Variants in SPIDR observed in about 807,000 individuals in gnomAD.
SPIDR encodes the protein scaffold protein involved in DNA repair, also known as DNA repair-scaffolding protein.
Under a neutral mutation model 104.6 loss-of-function variants are expected in SPIDR, and 93 were observed. The observed-to-expected ratio is 0.89, with a 90% CI of 0.75 to 1.06. SPIDR has a LOEUF of 1.06. SPIDR is among the 50% of genes least tolerant of loss of function. The pLI, the probability that SPIDR is intolerant of heterozygous loss-of-function variation, is 0.00. For synonymous variants in SPIDR, 431 were observed against 416.9 expected (o/e 1.03, Z -0.41); for missense variants, 1,154 against 1,111.2 (o/e 1.04, Z -0.55).
In SPIDR at chr8:47,516,786, G is replaced by A. The variant is rs78239175; in HGVS notation, c.1097+76244G>A. On this transcript the variant is annotated intron_variant, in intron 8 of 19. Coordinates refer to ENST00000297423, the MANE Select transcript of SPIDR (RefSeq NM_001080394.4). ...TAGTTTCTGCTCTCAATTTTTTTTCGGCTATAGATCTAGGAGTGGAATTGC... is the reference window on the plus strand; with the variant it reads ...TAGTTTCTGCTCTCAATTTTTTTTCAGCTATAGATCTAGGAGTGGAATTGC... Among the ~76,000 whole-genome samples the A allele has an allele frequency of 4.7e-3, 716 of 151,548 alleles. 5 individuals are homozygous for A. Among genetic ancestry groups the A allele is most frequent in the African/African-American group, 0.016 (673 of 41,300 alleles).
In SPIDR at chr8:47,383,965, G is replaced by A. The variant is rs571097117; in HGVS notation, c.526-12411G>A. ...AACTTGTTAGGCCTGAATACCACCA[G>A]GTATTATTAGTATAAAATGTTCATG... On this transcript the variant is annotated intron_variant, in intron 5 of 19. Coordinates refer to ENST00000297423, the MANE Select transcript of SPIDR (RefSeq NM_001080394.4). 7.0e-4 allele frequency among the ~76,000 whole-genome samples: 106 copies of A among 152,120 alleles called. 5 individuals are homozygous for A. The South Asian group carries it at 0.021, about 31-fold the overall frequency.
chr8:47,268,703 C>T (rs985461725), intron 1 of SPIDR, among the ~76,000 whole-genome samples: 1 of 152,138 alleles, frequency 6.6e-6, no homozygotes, highest in African/African-American at 2.4e-5. Context: ...AGGGATGCTC[C>T]TGTTTTGGCC....
intron 16 of SPIDR, among the ~76,000 whole-genome samples, chr8:47,721,969 G>GA (rs1187390725): frequency 2.0e-5 from 3 of 152,180 alleles, no homozygotes; most frequent in Admixed American, 1.3e-4. Context: ...ATCAGGTGGG[G>GA]AAAAAATGAC....
chr8:47,263,623 A>C (rs995206763), intron 1 of SPIDR, among the ~76,000 whole-genome samples: 5 of 152,228 alleles, frequency 3.3e-5, no homozygotes, highest in African/African-American at 1.2e-4. Context: ...CCGGCCATGA[A>C]ATCTTAATCA....
At chr8:47,437,136 C>A (rs2068478897) in intron 7 of SPIDR, among the ~76,000 whole-genome samples, 1 of 151,884 alleles carries the variant, frequency 6.6e-6, no homozygotes, top group Non-Finnish European at 1.5e-5. Flanking sequence ...GGTACATGTG[C>A]ACATTGTGCA....
At chr8:47,707,314 G>C (rs557791466) in intron 14 of SPIDR, among the ~76,000 whole-genome samples, 4 of 150,814 alleles carry the variant, frequency 2.7e-5, no homozygotes, top group East Asian at 1.9e-4. Flanking sequence ...GTATTGTCTA[G>C]AGATTCATCC....
intron 5 of SPIDR, among the ~76,000 whole-genome samples, chr8:47,383,030 G>A (rs370011637): frequency 6.6e-6 from 1 of 152,140 alleles, no homozygotes; most frequent in Non-Finnish European, 1.5e-5. Flanking sequence ...GGCTGTCTGT[G>A]GTGAGGCAAA....
intron 6 of SPIDR, among the ~76,000 whole-genome samples, chr8:47,405,163 T>C (rs1355219278): frequency 2.0e-5 from 3 of 151,904 alleles, no homozygotes; most frequent in Non-Finnish European, 4.4e-5. Flanking sequence ...GTGAGATCAC[T>C]TGGACACAGG....
At chr8:47,619,468 G>T (rs1158358108) in intron 10 of SPIDR, among the ~76,000 whole-genome samples, 1 of 152,082 alleles carries the variant, frequency 6.6e-6, no homozygotes, top group Non-Finnish European at 1.5e-5. Context: ...TTCCTAGAAG[G>T]CTCTCTCCTA....
intron 8 of SPIDR, among the ~76,000 whole-genome samples, chr8:47,584,888 C>G (rs1323334014): frequency 6.6e-6 from 1 of 152,154 alleles, no homozygotes; most frequent in South Asian, 2.1e-4. Flanking sequence ...TCCATCTGCC[C>G]CTGCCCTTCC....
At chr8:47,732,464 T>C in intron 19 of SPIDR, 1 of 467,516 alleles carries the variant, frequency 2.1e-6, no homozygotes, top group South Asian at 2.6e-5. Flanking sequence ...GCAGCCTTAG[T>C]ATCACCTTTT....
intron 5 of SPIDR, among the ~76,000 whole-genome samples, chr8:47,339,615 T>A (rs1014561786): frequency 6.6e-5 from 10 of 152,164 alleles, no homozygotes; most frequent in Admixed American, 6.5e-4. Flanking sequence ...GAAAACTCAC[T>A]TTTTTATTTA....
chr8:47,448,128 T>A (rs2071026404), intron 8 of SPIDR, among the ~76,000 whole-genome samples: 1 of 152,200 alleles, frequency 6.6e-6, no homozygotes, highest in Non-Finnish European at 1.5e-5. Flanking sequence ...TATAGTTATA[T>A]CACTTAGAAT....
chr8:47,491,449 C>T (rs1343886241), intron 8 of SPIDR, among the ~76,000 whole-genome samples: 3 of 151,716 alleles, frequency 2.0e-5, no homozygotes, highest in African/African-American at 7.3e-5. Flanking sequence ...ATAATAATAT[C>T]AGTAGCCACA....
At chr8:47,336,788 T>C (rs1257175605) in intron 5 of SPIDR, among the ~76,000 whole-genome samples, 2 of 152,240 alleles carry the variant, frequency 1.3e-5, no homozygotes, top group African/African-American at 4.8e-5. Flanking sequence ...CTTGTATATA[T>C]ACCTAGAAGT....
intron 5 of SPIDR, among the ~76,000 whole-genome samples, chr8:47,316,336 T>G (rs1280526551): frequency 6.6e-6 from 1 of 152,204 alleles, no homozygotes; most frequent in Non-Finnish European, 1.5e-5. Flanking sequence ...ATTAAGAGTT[T>G]TTCTACCCTA....
chr8:47,379,821 G>T (rs1029863551), intron 5 of SPIDR, among the ~76,000 whole-genome samples: 10 of 152,134 alleles, frequency 6.6e-5, no homozygotes, highest in African/African-American at 2.4e-4. Context: ...GCTCCTTGTG[G>T]AGCTTCTGGG....
At chr8:47,380,196 AC>A (rs2059163569) in intron 5 of SPIDR, among the ~76,000 whole-genome samples, 1 of 152,180 alleles carries the variant, frequency 6.6e-6, no homozygotes, top group Admixed American at 6.5e-5. Context: ...AGCCTGCACC[AC>A]AGCAACGCGT....
At chr8:47,569,253 C>T (rs2058246585) in intron 8 of SPIDR, among the ~76,000 whole-genome samples, 1 of 151,772 alleles carries the variant, frequency 6.6e-6, no homozygotes, top group Admixed American at 6.6e-5. Flanking sequence ...ACAAAGGTGC[C>T]CCAGAATATA....
Sources: gnomAD v4.1 joint callset for allele counts (sites outside exome capture counted in the v4.1 genomes callset) on GRCh38, gnomAD v4.1.1 for gene constraint, MANE v1.5 for transcripts, NCBI Gene and HGNC (gene_info 2026-07-23, HGNC 2026-07-21) for gene names.